Variants in NDUFAF2 observed in about 807,000 individuals in gnomAD.
NDUFAF2 encodes NADH:ubiquinone oxidoreductase complex assembly factor 2.
In NDUFAF2, 13 loss-of-function variants were observed where a neutral mutation model predicts 22.8. That is an observed-to-expected ratio of 0.57 (90% CI 0.37 to 0.91). NDUFAF2 has a LOEUF of 0.91. NDUFAF2 is among the 40% of genes least tolerant of loss of function. NDUFAF2 has a pLI of 0.01. For synonymous variants in NDUFAF2, 53 were observed against 64.2 expected (o/e 0.83, Z 0.84); for missense variants, 162 against 195.2 (o/e 0.83, Z 1.01).
chr5:61,105,113 G>A (rs1024563543), intron 3 of NDUFAF2, among the ~76,000 whole-genome samples: 1 of 146,942 alleles, frequency 6.8e-6, no homozygotes, highest in African/African-American at 2.7e-5. Flanking sequence ...CCTATGCCAT[G>A]ACAGTAGTTA....
chr5:61,124,894 G>A (rs752288741), intron 3 of NDUFAF2, among the ~76,000 whole-genome samples: 1 of 152,054 alleles, frequency 6.6e-6, no homozygotes, highest in Non-Finnish European at 1.5e-5. Context: ...CCATAGCTGG[G>A]GAGGCCTCAG....
intron 1 of NDUFAF2, among the ~76,000 whole-genome samples, chr5:61,020,323 T>G (rs1751562216): frequency 6.6e-6 from 1 of 152,152 alleles, no homozygotes; most frequent in East Asian, 1.9e-4. Flanking sequence ...CCCACTGGTA[T>G]TATTTTTCTG....
At chr5:61,090,515 C>T (rs1005577260) in intron 2 of NDUFAF2, among the ~76,000 whole-genome samples, 1 of 151,916 alleles carries the variant, frequency 6.6e-6, no homozygotes, top group Non-Finnish European at 1.5e-5. Flanking sequence ...TTTGCTGACA[C>T]CTGTCCTAGA....
At position 60,992,994 on chromosome 5, in the gene NDUFAF2, C is replaced by T. The variant is rs147159250; in HGVS notation, c.127+47612C>T. ...TTTCTTGGGACTGTTGGTCTCGTTC[C>T]ACACACTGGACCTGCAGGCCGTGCT... On this transcript the variant is annotated intron_variant, in intron 1 of 3. Transcript: ENST00000296597. Among the ~76,000 whole-genome samples, 21 of 152,304 alleles carry T rather than the reference C, an allele frequency of 1.4e-4. No homozygotes were observed. In the East Asian group the frequency reaches 4.1e-3, roughly 29 times the overall value.
At chr5:61,110,298 T>C (rs2545478) in intron 3 of NDUFAF2, among the ~76,000 whole-genome samples, 90,637 of 151,048 alleles carry the variant, frequency 0.6, 27,947 homozygotes, top group East Asian at 0.94. Flanking sequence ...TAAATGTATC[T>C]TTGTCTGCTT....
intron 1 of NDUFAF2, among the ~76,000 whole-genome samples, chr5:61,061,850 A>T (rs1447360263): frequency 6.6e-6 from 1 of 152,176 alleles, no homozygotes; most frequent in Non-Finnish European, 1.5e-5. Context: ...GAATGAGAGG[A>T]TTCCTAAAGC....
intron 1 of NDUFAF2, among the ~76,000 whole-genome samples, chr5:60,965,735 A>G (rs1321540161): frequency 2.6e-5 from 4 of 152,182 alleles, no homozygotes; most frequent in Non-Finnish European, 4.4e-5. Context: ...TCCATTGTGT[A>G]TATATACCAC....
chr5:61,004,450 A>C (rs950445609), intron 1 of NDUFAF2, among the ~76,000 whole-genome samples: 2 of 152,110 alleles, frequency 1.3e-5, no homozygotes, highest in Non-Finnish European at 2.9e-5. Context: ...CAAAAGCTTT[A>C]ATTGTGAAAT....
chr5:61,124,955 G>C (rs295578), intron 3 of NDUFAF2, among the ~76,000 whole-genome samples: 95,030 of 151,850 alleles, frequency 0.63, 30,554 homozygotes, highest in East Asian at 0.94. Flanking sequence ...GCACATCTTA[G>C]ATGGTAGCAG....
intron 2 of NDUFAF2, among the ~76,000 whole-genome samples, chr5:61,081,639 A>G (rs988496507): frequency 1.3e-5 from 2 of 152,218 alleles, no homozygotes; most frequent in African/African-American, 4.8e-5. Flanking sequence ...TCAAATGCCC[A>G]GACAAACCTC....
At chr5:61,098,929 A>C in intron 2 of NDUFAF2, 63 bp from the exon 3 acceptor site, 1 of 1,421,372 alleles carries the variant, frequency 7.0e-7, no homozygotes, top group Non-Finnish European at 9.8e-7. Flanking sequence ...AATTTGTTTT[A>C]TGGATAAAAA....
At chr5:61,137,231 A>G (rs545501172) in intron 3 of NDUFAF2, among the ~76,000 whole-genome samples, 2 of 152,302 alleles carry the variant, frequency 1.3e-5, no homozygotes, top group South Asian at 2.1e-4. Flanking sequence ...CAGCCACTAC[A>G]TATACTTCCA....
chr5:60,952,345 A>C (rs1750558821), intron 1 of NDUFAF2, among the ~76,000 whole-genome samples: 2 of 151,914 alleles, frequency 1.3e-5, no homozygotes, highest in Non-Finnish European at 2.9e-5. Context: ...TTAATGTTAA[A>C]ATTTCTTGTA....
intron 1 of NDUFAF2, among the ~76,000 whole-genome samples, chr5:60,985,815 A>G (rs1222505544): frequency 6.6e-6 from 1 of 152,094 alleles, no homozygotes; most frequent in Non-Finnish European, 1.5e-5. Flanking sequence ...CTATAATTCA[A>G]TCACCTCCCC....
At chr5:61,033,477 T>C (rs1751754191) in intron 1 of NDUFAF2, among the ~76,000 whole-genome samples, 1 of 152,138 alleles carries the variant, frequency 6.6e-6, no homozygotes, top group Admixed American at 6.6e-5. Context: ...TTATTCCACA[T>C]GAAACCTATT....
At chr5:61,136,740 G>T (rs554793650) in intron 3 of NDUFAF2, among the ~76,000 whole-genome samples, 5 of 152,152 alleles carry the variant, frequency 3.3e-5, no homozygotes, top group Non-Finnish European at 5.9e-5. Flanking sequence ...AAATGCTGTG[G>T]GCAAACGAGC....
chr5:60,965,145 C>T (rs367832178), intron 1 of NDUFAF2, among the ~76,000 whole-genome samples: 2 of 152,104 alleles, frequency 1.3e-5, no homozygotes, highest in African/African-American at 4.8e-5. Flanking sequence ...ATGACAGATA[C>T]AGAAGACAGA....
chr5:60,985,620 AC>A (rs1195437207), intron 1 of NDUFAF2, among the ~76,000 whole-genome samples: 1 of 152,150 alleles, frequency 6.6e-6, no homozygotes, highest in Non-Finnish European at 1.5e-5. Context: ...GTTTGAAAGA[AC>A]ATTTTTATTT....
rs116304039 is a variant in NDUFAF2, at chr5:61,023,629, C to T, written c.128-49496C>T. 7.4e-3 allele frequency among the ~76,000 whole-genome samples: 1,133 copies of T among 152,210 alleles called. 14 individuals carry two copies. The highest frequency in any genetic ancestry group is 0.025 in the African/African-American group (1,040 of 41,516). Reference sequence around the variant, plus strand: ...TATGTTACTTTTAAATTTTACACCACGGAATTATGTAAATTTAAAACCCTC... The same window carrying T: ...TATGTTACTTTTAAATTTTACACCATGGAATTATGTAAATTTAAAACCCTC... On this transcript the variant is annotated intron_variant, in intron 1 of 3. Coordinates refer to ENST00000296597, the MANE Select transcript of NDUFAF2 (RefSeq NM_174889.5).
Sources: allele counts gnomAD v4.1 joint callset (sites outside exome capture counted in the v4.1 genomes callset), GRCh38; gene constraint gnomAD v4.1.1; transcripts MANE v1.5; gene names NCBI Gene and HGNC (gene_info 2026-07-23, HGNC 2026-07-21).